The following SLC25A26 variants were observed in gnomAD, a reference collection of about 807,000 sequenced individuals.
SLC25A26 encodes solute carrier family 25 member 26.
A neutral mutation model predicts 37.8 loss-of-function variants in SLC25A26; 36 were observed. The observed-to-expected ratio is 0.95, with a 90% CI of 0.73 to 1.26. SLC25A26 has a LOEUF of 1.26. Among genes scored for constraint, SLC25A26 ranks in the 50% most tolerant of loss-of-function variants. SLC25A26 has a pLI of 0.00. For synonymous variants in SLC25A26, 129 were observed against 122.5 expected (o/e 1.05, Z -0.35); for missense variants, 390 against 331.1 (o/e 1.18, Z -1.38).
At chr3:66,213,901 A>G (rs2106842604) in intron 1 of SLC25A26, among the ~76,000 whole-genome samples, 2 of 152,260 alleles carry the variant, frequency 1.3e-5, no homozygotes, top group Admixed American at 1.3e-4. Flanking sequence ...CTGCACTCCA[A>G]TCTGGGTAAC....
intron 5 of SLC25A26, among the ~76,000 whole-genome samples, chr3:66,289,438 T>G (rs1084530): frequency 0.69 from 105,579 of 152,044 alleles, 37,517 homozygotes; most frequent in African/African-American, 0.85. Context: ...TTTTCTTCTA[T>G]GGTTTTTATG....
chr3:66,208,390 G>A (rs1413054285), intron 1 of SLC25A26, among the ~76,000 whole-genome samples: 1 of 151,868 alleles, frequency 6.6e-6, no homozygotes, highest in Non-Finnish European at 1.5e-5. Flanking sequence ...GCAGGCCAAT[G>A]TCAGTGAACT....
intron 5 of SLC25A26, among the ~76,000 whole-genome samples, chr3:66,276,267 C>G (rs2074142587): frequency 1.3e-5 from 2 of 152,036 alleles, no homozygotes; most frequent in African/African-American, 2.4e-5. Context: ...TTAAGTAATA[C>G]AACTAGGAGG....
chr3:66,295,999 C>A (rs931410399), intron 5 of SLC25A26, among the ~76,000 whole-genome samples: 1 of 151,886 alleles, frequency 6.6e-6, no homozygotes, highest in Non-Finnish European at 1.5e-5. Context: ...CACCTGTAAT[C>A]CCAGCTACTC....
At chr3:66,182,727 G>C (rs980340598) in intron 1 of SLC25A26, among the ~76,000 whole-genome samples, 1 of 111,346 alleles carries the variant, frequency 9.0e-6, no homozygotes, top group Admixed American at 8.5e-5. Flanking sequence ...GGGGGGGGGG[G>C]GTGGGGTATC....
intron 1 of SLC25A26, among the ~76,000 whole-genome samples, chr3:66,191,711 G>A (rs2070945441): frequency 6.6e-6 from 1 of 151,608 alleles, no homozygotes; most frequent in African/African-American, 2.4e-5. Flanking sequence ...CCAACATGGT[G>A]AAACTCCATC....
chr3:66,265,310 A>AG (rs1171000085), intron 5 of SLC25A26, among the ~76,000 whole-genome samples: 1 of 152,200 alleles, frequency 6.6e-6, no homozygotes, highest in Non-Finnish European at 1.5e-5. Flanking sequence ...GTCTCAAAAA[A>AG]GAAAAAAAAT....
At chr3:66,163,930 T>C (rs965872133) in intron 1 of SLC25A26, among the ~76,000 whole-genome samples, 1 of 152,242 alleles carries the variant, frequency 6.6e-6, no homozygotes, top group Non-Finnish European at 1.5e-5. Context: ...GGGAAAGAGA[T>C]GTTAGTAACA....
intron 2 of SLC25A26, among the ~76,000 whole-genome samples, chr3:66,241,872 C>T (rs1291892953): frequency 2.6e-5 from 4 of 151,122 alleles, no homozygotes; most frequent in African/African-American, 9.7e-5. Flanking sequence ...TGTTTAGGAG[C>T]CTTAGTCCCT....
chr3:66,150,852 C>CCTCTA (rs1431763364), intron 1 of SLC25A26, among the ~76,000 whole-genome samples: 1 of 151,034 alleles, frequency 6.6e-6, no homozygotes, highest in Non-Finnish European at 1.5e-5. Context: ...TTTGATAGAC[C>CCTCTA]CTCTGTTTTA....
intron 8 of SLC25A26, among the ~76,000 whole-genome samples, chr3:66,370,019 C>T (rs942231608): frequency 1.3e-5 from 2 of 152,112 alleles, no homozygotes; most frequent in African/African-American, 4.8e-5. Flanking sequence ...TATAACATAC[C>T]TGAACTGAAC....
chr3:66,254,911 A>G (rs905327423), intron 3 of SLC25A26, among the ~76,000 whole-genome samples: 2 of 152,158 alleles, frequency 1.3e-5, no homozygotes, highest in African/African-American at 2.4e-5. Flanking sequence ...ATTATTGGGG[A>G]TACTTAGGGA....
chr3:66,255,952 A>T (rs1410689175), intron 3 of SLC25A26, among the ~76,000 whole-genome samples: 2 of 152,158 alleles, frequency 1.3e-5, no homozygotes, highest in East Asian at 3.8e-4. Context: ...AGGCTTTTCA[A>T]AGTTTTTCTT....
At chr3:66,281,620 G>T (rs540880604) in intron 5 of SLC25A26, among the ~76,000 whole-genome samples, 2 of 152,026 alleles carry the variant, frequency 1.3e-5, no homozygotes, top group African/African-American at 4.8e-5. Flanking sequence ...CAGTTTACTC[G>T]TTTAAAGTGA....
chr3:66,210,902 C>T (rs2106836645), intron 1 of SLC25A26, among the ~76,000 whole-genome samples: 1 of 152,272 alleles, frequency 6.6e-6, no homozygotes, highest in East Asian at 1.9e-4. Flanking sequence ...GGTGAGGCAA[C>T]AGTCAGGGGC....
intron 1 of SLC25A26, among the ~76,000 whole-genome samples, chr3:66,232,701 A>G (rs2106977851): frequency 6.6e-6 from 1 of 152,352 alleles, no homozygotes; most frequent in Admixed American, 6.5e-5. Context: ...CAAAGGGCAC[A>G]TAGTGCGAGT....
intron 1 of SLC25A26, among the ~76,000 whole-genome samples, chr3:66,179,749 C>A (rs2070661598): frequency 6.6e-6 from 1 of 151,898 alleles, no homozygotes; most frequent in Admixed American, 6.6e-5. Flanking sequence ...TTACAAATAG[C>A]CTTCATTACA....
At chr3:66,309,676 T>TTAA (rs2075322833) in intron 5 of SLC25A26, among the ~76,000 whole-genome samples, 1 of 152,208 alleles carries the variant, frequency 6.6e-6, no homozygotes, top group South Asian at 2.1e-4. Flanking sequence ...CTGCTTTAAA[T>TTAA]GTGTCCCAGA....
chr3:66,164,062 A>T (rs2070394163), intron 1 of SLC25A26, among the ~76,000 whole-genome samples: 1 of 152,204 alleles, frequency 6.6e-6, no homozygotes, highest in South Asian at 2.1e-4. Context: ...CTCTGATTTA[A>T]ACAATTAATA....
Sources: allele counts gnomAD v4.1 joint callset (sites outside exome capture counted in the v4.1 genomes callset), GRCh38; gene constraint gnomAD v4.1.1; transcripts MANE v1.5; gene names NCBI Gene and HGNC (gene_info 2026-07-23, HGNC 2026-07-21).